The following NLRP5 variants were observed in gnomAD, a reference collection of about 807,000 sequenced individuals.
The protein encoded by NLRP5 is NLR family pyrin domain containing 5.
A neutral mutation model predicts 113.1 loss-of-function variants in NLRP5; 93 were observed. The observed-to-expected ratio is 0.82, with a 90% confidence interval of 0.70 to 0.98. The LOEUF is 0.98. Ranked by LOEUF, NLRP5 falls within the 50% of genes least tolerant of loss-of-function variation. The pLI is 0.00. For missense variants in NLRP5, 1,808 were observed against 1,514.3 expected, an observed-to-expected ratio of 1.19 and a Z score of -3.22; for synonymous variants, 751 against 600.7, an observed-to-expected ratio of 1.25 and a Z score of -3.66.
chr19:56,033,950 T>C (rs975374758), intron 9 of NLRP5, among the ~76,000 whole-genome samples: 3 of 152,208 alleles, frequency 2.0e-5, no homozygotes, highest in Admixed American at 2.0e-4. Flanking sequence ...AAATTGTTCA[T>C]GCAGAGGCAA....
chr19:56,045,042 T>A (rs975367410), intron 11 of NLRP5, among the ~76,000 whole-genome samples: 2 of 152,236 alleles, frequency 1.3e-5, no homozygotes, highest in Non-Finnish European at 2.9e-5. Context: ...ATAGAACTAT[T>A]GATTTGTGTA....
intron 6 of NLRP5, among the ~76,000 whole-genome samples, chr19:56,024,432 C>T (rs1389468239): frequency 7.1e-6 from 1 of 140,970 alleles, no homozygotes; most frequent in Admixed American, 7.2e-5. Context: ...TATATATACA[C>T]ATATACATAT....
intron 2 of NLRP5, among the ~76,000 whole-genome samples, chr19:56,008,047 G>A (rs1982015291): frequency 7.3e-6 from 1 of 136,192 alleles, no homozygotes; most frequent in South Asian, 2.5e-4. Flanking sequence ...TCCTGCCTCA[G>A]CCTCCCGAGT....
At chr19:56,022,906 T>G (rs1982672661) in intron 6 of NLRP5, among the ~76,000 whole-genome samples, 1 of 152,064 alleles carries the variant, frequency 6.6e-6, no homozygotes, top group African/African-American at 2.4e-5. Flanking sequence ...GTATTTTTAG[T>G]AGAGAGATGG....
At chr19:56,007,079 A>C (rs1981950134) in intron 2 of NLRP5, among the ~76,000 whole-genome samples, 2 of 151,006 alleles carry the variant, frequency 1.3e-5, no homozygotes, top group South Asian at 4.2e-4. Context: ...AAAATGTCTT[A>C]TGGCTGGGCA....
chr19:55,991,378 G>C, the NLRP5 span, among the ~76,000 whole-genome samples: 2 of 152,074 alleles, frequency 1.3e-5, no homozygotes, highest in African/African-American at 4.8e-5. Flanking sequence ...GCTTTTCATA[G>C]AAACATTGAG....
At chr19:55,987,285 G>A in the NLRP5 span, among the ~76,000 whole-genome samples, 3 of 152,202 alleles carry the variant, frequency 2.0e-5, no homozygotes, top group Admixed American at 1.3e-4. Context: ...CGGGAGAATC[G>A]CTTTAACCCA....
chr19:55,990,607 A>G, the NLRP5 span, among the ~76,000 whole-genome samples: 2 of 151,934 alleles, frequency 1.3e-5, no homozygotes, highest in African/African-American at 2.4e-5. Flanking sequence ...CGGGTGGATC[A>G]TGAGGTCAGG....
intron 14 of NLRP5, among the ~76,000 whole-genome samples, chr19:56,060,121 G>A (rs1984297421): frequency 6.6e-6 from 1 of 152,176 alleles, no homozygotes; most frequent in African/African-American, 2.4e-5. Context: ...GAAAGAATGT[G>A]TTTATATCCT....
At chr19:56,031,424 T>A (rs1342152227) in intron 7 of NLRP5, among the ~76,000 whole-genome samples, 1 of 151,208 alleles carries the variant, frequency 6.6e-6, no homozygotes, top group African/African-American at 2.4e-5. Context: ...AGGTCAGGAG[T>A]TTGAGACCAG....
intron 7 of NLRP5, 108 bp from the exon 8 acceptor site, chr19:56,032,503 A>T: frequency 1.0e-6 from 1 of 966,430 alleles, no homozygotes; most frequent in Admixed American, 2.5e-5. Flanking sequence ...CTCTAAAGCC[A>T]CCGTGGTCTC....
At chr19:56,044,276 C>A (rs955441272) in intron 11 of NLRP5, among the ~76,000 whole-genome samples, 1 of 151,600 alleles carries the variant, frequency 6.6e-6, no homozygotes, top group South Asian at 2.1e-4. Context: ...GTTAGCCAGG[C>A]TGGTCTCGAA....
chr19:56,056,055 G>T (rs1252448452), intron 13 of NLRP5, among the ~76,000 whole-genome samples: 2 of 152,128 alleles, frequency 1.3e-5, no homozygotes, highest in Non-Finnish European at 2.9e-5. Context: ...AGCATTAGTT[G>T]TCTGGTCCAC....
chr19:56,000,488 C>T (rs1441423601), intron 1 of NLRP5, among the ~76,000 whole-genome samples: 1 of 151,934 alleles, frequency 6.6e-6, no homozygotes, highest in Admixed American at 6.6e-5. Flanking sequence ...CCTCAGCCTC[C>T]CTAGTAGCTG....
chr19:55,990,282 T>C, the NLRP5 span, among the ~76,000 whole-genome samples: 1 of 151,520 alleles, frequency 6.6e-6, no homozygotes, highest in African/African-American at 2.4e-5. Context: ...AGAGATGCGG[T>C]TTCACCATGT....
chr19:56,060,994 T>C (rs1984332533), intron 14 of NLRP5, among the ~76,000 whole-genome samples: 1 of 150,398 alleles, frequency 6.6e-6, no homozygotes, highest in South Asian at 2.1e-4. Flanking sequence ...AGAGGAGATC[T>C]AGAAAGTCAC....
Position 56,050,628 on chromosome 19 carries a change from G to T in NLRP5, c.3128+40G>T, listed in dbSNP as rs779362082. 3.2e-6 allele frequency: 5 copies of T among 1,575,518 alleles called. No individual in the cohort carries two copies. In the South Asian group the frequency reaches 4.6e-5, roughly 14 times the overall value. On this transcript the variant is annotated intron_variant, in intron 12 of 14. Transcript: ENST00000390649. ...GGCGTTGGGTCAACTCTATCATACT[G>T]GGGTCTGGAGTTCCTGAAAGGTCAA...
chr19:56,054,053 T>G (rs1984036146), intron 13 of NLRP5, among the ~76,000 whole-genome samples: 1 of 152,194 alleles, frequency 6.6e-6, no homozygotes, highest in South Asian at 2.1e-4. Flanking sequence ...AACTGCCGAT[T>G]GAACGACCCC....
chr19:55,990,970 G>A, the NLRP5 span, among the ~76,000 whole-genome samples: 1 of 151,946 alleles, frequency 6.6e-6, no homozygotes, highest in African/African-American at 2.4e-5. Context: ...GGCAACAAAA[G>A]CAAAACTCCA....
Sources: allele counts gnomAD v4.1 joint callset (sites outside exome capture counted in the v4.1 genomes callset), GRCh38; gene constraint gnomAD v4.1.1; transcripts MANE v1.5; gene names NCBI Gene and HGNC (gene_info 2026-07-23, HGNC 2026-07-21).